PRSS23: variants seen among roughly 807,000 people sequenced by gnomAD.
PRSS23 encodes protease, serine 23.
Under a neutral mutation model 34.7 loss-of-function variants are expected in PRSS23, and 25 were observed. That is an observed-to-expected ratio of 0.72 (90% CI 0.53 to 1.01). The LOEUF (loss-of-function observed/expected upper bound fraction) is 1.01. Ranked by LOEUF, PRSS23 falls within the 50% of genes least tolerant of loss-of-function variation. The probability of loss-of-function intolerance (pLI) is 0.00; values close to 1 mark genes in which losing one functional copy is unlikely to be tolerated. For missense variants in PRSS23, 445 were observed against 475.6 expected (o/e 0.94, Z 0.60); for synonymous variants, 176 against 186.6 (o/e 0.94, Z 0.46).
intron 2 of PRSS23, among the ~76,000 whole-genome samples, chr11:86,923,310 A>G (rs1324119306): frequency 6.6e-6 from 1 of 152,072 alleles, no homozygotes; most frequent in Non-Finnish European, 1.5e-5. Context: ...ATATTTTTGT[A>G]GAGATGGGGT....
intron 1 of PRSS23, among the ~76,000 whole-genome samples, chr11:86,820,314 G>A (rs1165100961): frequency 1.3e-5 from 2 of 152,038 alleles, no homozygotes; most frequent in Non-Finnish European, 2.9e-5. Context: ...GCTAATATGA[G>A]GTATAATCTG....
At chr11:86,834,531 C>CTTTCCTTTCCTTTCCTTTCCTT (rs1565360494) in intron 2 of PRSS23, among the ~76,000 whole-genome samples, 18 of 138,988 alleles carry the variant, frequency 1.3e-4, no homozygotes, top group African/African-American at 4.1e-4. Context: ...CTTTCCTTTC[C>CTTTCCTTTCCTTTCCTTTCCTT]TTTCCTTTCC....
At chr11:86,951,612 G>C in exon 3 of PRSS23, 18 of 1,614,142 alleles carry the variant, frequency 1.1e-5, no homozygotes, top group Non-Finnish European at 1.5e-5. Flanking sequence ...TCGAGATTTT[G>C]GTTTCCAACA....
intron 2 of PRSS23, among the ~76,000 whole-genome samples, chr11:86,834,249 T>A (rs895012481): frequency 5.3e-5 from 8 of 152,098 alleles, no homozygotes; most frequent in South Asian, 4.2e-4. Flanking sequence ...AAGTGAAAGA[T>A]TTGGTGAAGG....
At chr11:86,912,747 C>T (rs189677239) in intron 2 of PRSS23, among the ~76,000 whole-genome samples, 273 of 152,260 alleles carry the variant, frequency 1.8e-3, no homozygotes, top group Middle Eastern at 3.4e-3. Flanking sequence ...TCAACTAATT[C>T]CAACATATGG....
chr11:86,813,551 C>G (rs1376492161), downstream of PRSS23, among the ~76,000 whole-genome samples: 3 of 152,164 alleles, frequency 2.0e-5, no homozygotes, highest in Admixed American at 2.0e-4. Context: ...ACCGACTTAT[C>G]CATGAAGGGA....
At chr11:86,850,109 A>T (rs1440978985) in intron 2 of PRSS23, among the ~76,000 whole-genome samples, 6 of 152,174 alleles carry the variant, frequency 3.9e-5, no homozygotes, top group Non-Finnish European at 8.8e-5. Flanking sequence ...AGGCCCTGTG[A>T]CAGCCATCCT....
intron 2 of PRSS23, chr11:86,911,239 CT>C (rs1948975170): frequency 6.6e-6 from 1 of 152,006 alleles, no homozygotes; most frequent in South Asian, 2.1e-4. Context: ...ATATAATTAG[CT>C]TATAAGGAAT....
At chr11:86,904,408 C>G (rs1039504758) in intron 2 of PRSS23, among the ~76,000 whole-genome samples, 3 of 152,124 alleles carry the variant, frequency 2.0e-5, no homozygotes, top group Admixed American at 6.5e-5. Flanking sequence ...GTGGTTCTAG[C>G]AGTTTAGTCC....
intron 2 of PRSS23, among the ~76,000 whole-genome samples, chr11:86,886,686 C>T (rs896520149): frequency 1.3e-5 from 2 of 152,190 alleles, no homozygotes; most frequent in South Asian, 4.1e-4. Flanking sequence ...TGCCTGTAAT[C>T]CCAATACTTT....
chr11:86,892,565 T>C (rs1948848816), intron 2 of PRSS23, among the ~76,000 whole-genome samples: 1 of 152,182 alleles, frequency 6.6e-6, no homozygotes, highest in Admixed American at 6.5e-5. Context: ...CATGATATGA[T>C]GGAAAACCAT....
chr11:86,868,269 C>T (rs1297614079), intron 2 of PRSS23, among the ~76,000 whole-genome samples: 10 of 152,242 alleles, frequency 6.6e-5, no homozygotes, highest in Non-Finnish European at 1.5e-5. Context: ...CAACATGAGA[C>T]TTTGGTGGGT....
intron 1 of PRSS23, among the ~76,000 whole-genome samples, chr11:86,803,797 A>G (rs1389379373): frequency 6.6e-6 from 1 of 152,168 alleles, no homozygotes; most frequent in African/African-American, 2.4e-5. Context: ...TTTCCCTCCC[A>G]GCACTTGTTT....
intron 2 of PRSS23, among the ~76,000 whole-genome samples, chr11:86,886,212 T>G (rs796659655): frequency 2.0e-5 from 3 of 152,128 alleles, no homozygotes; most frequent in African/African-American, 7.2e-5. Context: ...TAATAATAAT[T>G]TGTGCAATGG....
At chr11:86,912,461 T>C (rs1313612984) in intron 2 of PRSS23, among the ~76,000 whole-genome samples, 1 of 152,222 alleles carries the variant, frequency 6.6e-6, no homozygotes, top group East Asian at 1.9e-4. Flanking sequence ...CTGTTCATTT[T>C]TTTTCCAATT....
rs773298977 is a variant in PRSS23, at chr11:86,823,522, G to A, written c.135G>A (p.Trp45Ter). The change falls in exon 2 of 3, where the codon TGG (tryptophan) becomes TGA (stop). Residue 45 changes from tryptophan to a stop codon, truncating the protein, a stop_gained. Transcript: ENST00000533902. LOFTEE classifies it high-confidence loss of function. ...AATACCAACTAGGTTCCAGGACCTGGCTAGAAGCAGAGACACCAGGACAGA... is the reference window on the plus strand; with the variant it reads ...AATACCAACTAGGTTCCAGGACCTGACTAGAAGCAGAGACACCAGGACAGA... 161 of 702,414 alleles carry A rather than the reference G, an allele frequency of 2.3e-4. No homozygotes were observed. Among genetic ancestry groups the A allele is most frequent in the Non-Finnish European group, 8.3e-5 (32 of 384,988 alleles). The allele number at this position is 702,414 out of a possible 1,614,324, so 43.5% of individuals were successfully genotyped here.
intron 2 of PRSS23, among the ~76,000 whole-genome samples, chr11:86,831,938 G>A (rs907943877): frequency 6.6e-6 from 1 of 151,850 alleles, no homozygotes; most frequent in South Asian, 2.1e-4. Flanking sequence ...ATGTTCCAGT[G>A]TGTGTACACC....
chr11:86,929,937 G>T (rs1949112231), intron 2 of PRSS23, among the ~76,000 whole-genome samples: 1 of 152,114 alleles, frequency 6.6e-6, no homozygotes, highest in Non-Finnish European at 1.5e-5. Context: ...GCGGAACAGT[G>T]TGTAGAGTGT....
At chr11:86,948,176 A>G (rs1294373138) in intron 2 of PRSS23, 1 of 151,326 alleles carries the variant, frequency 6.6e-6, no homozygotes, top group Non-Finnish European at 1.5e-5. Context: ...TGTTAAAAGT[A>G]GAGAGACCCA....
Sources: gnomAD v4.1 joint callset for allele counts (sites outside exome capture counted in the v4.1 genomes callset) on GRCh38, gnomAD v4.1.1 for gene constraint, MANE v1.5 for transcripts, NCBI Gene and HGNC (gene_info 2026-07-23, HGNC 2026-07-21) for gene names.